The following MYO1A variants were observed in gnomAD, a reference collection of about 807,000 sequenced individuals.
MYO1A encodes unconventional myosin-Ia.
Under a neutral mutation model 138.5 loss-of-function variants are expected in MYO1A, and 127 were observed. The observed-to-expected ratio is 0.92, with a 90% CI of 0.79 to 1.06. The LOEUF (loss-of-function observed/expected upper bound fraction) is 1.06, where lower values mean the gene tolerates loss of function less well. Among genes scored for constraint, MYO1A ranks in the 50% least tolerant of loss-of-function variants. The pLI, the probability that MYO1A is intolerant of heterozygous loss-of-function variation, is 0.00. For synonymous variants in MYO1A, 477 were observed against 497.5 expected (o/e 0.96, Z 0.55); for missense variants, 1,211 against 1,288.8 (o/e 0.94, Z 0.92).
intron 24 of MYO1A, 66 bp from the exon 25 acceptor site, chr12:57,029,938 C>T (rs2030191960): frequency 1.9e-6 from 3 of 1,612,162 alleles, no homozygotes; most frequent in Non-Finnish European, 2.5e-6. Flanking sequence ...CCCCAGAGTT[C>T]CCATCCTAGT....
At chr12:57,039,051 C>T (rs1404430725) in intron 15 of MYO1A, 42 bp from the exon 16 acceptor site, 2 of 1,596,180 alleles carry the variant, frequency 1.3e-6, no homozygotes, top group South Asian at 2.2e-5. Context: ...AAATCTGGTC[C>T]TCCGAGATGT....
rs33962952 is a variant in MYO1A at position 57,037,618 on chromosome 12, C to T, written c.1985G>A (p.Gly662Glu). Residue 662 changes from glycine to glutamate, a missense_variant, in exon 19 of 28, where the codon GGG becomes GAG. Physicochemically the swap from Gly to Glu is moderately conservative, Grantham distance 98. Transcript: ENST00000300119. ...GDREGVEKVLGELSMSSGELA... is the reference protein window; with the variant it reads ...GDREGVEKVLEELSMSSGELA... The stretch of plus-strand genomic sequence containing the variant: ...CTCCCCCGAGGACATGCTCAGCTCC[C>T]CCAGGACCTTCTCAACACCTTCCCT... 45,834 of 1,614,020 alleles carry T rather than the reference C, an allele frequency of 0.028. 869 individuals carry two copies. Among genetic ancestry groups the T allele is most frequent in the Middle Eastern group, 0.06 (364 of 6,062 alleles).
chr12:57,038,974 C>G lies in MYO1A; in HGVS notation c.1368G>C (p.Glu456Asp), dbSNP rs1423875521. The change falls in exon 16 of 28, where the codon GAG becomes GAC. Residue 456 changes from glutamate to aspartate, a missense_variant. Glu to Asp is a conservative substitution (Grantham distance 45). Coordinates refer to ENST00000300119, the MANE Select transcript of MYO1A (RefSeq NM_005379.4). ...CACTGACCACCCCAGGCCGCAGGCA[C>G]TCCTCATCCAACATGGCCAGGATAC... Reference protein sequence around the residue: ...QRGILAMLDEECLRPGVVSDS... With the variant: ...QRGILAMLDEDCLRPGVVSDS... 1 of 1,614,196 alleles carries G rather than the reference C, an allele frequency of 6.2e-7. No homozygotes were observed. Among genetic ancestry groups the G allele is most frequent in the East Asian group, 2.2e-5 (1 of 44,876 alleles).
Position 57,038,849 on chromosome 12 carries a change from A to C in MYO1A, c.1493T>G (p.Met498Arg), listed in dbSNP as rs1592476694. 3.1e-6 allele frequency: 5 copies of C among 1,614,168 alleles called. No homozygotes were observed. Among genetic ancestry groups the C allele is most frequent in the Non-Finnish European group, 4.2e-6 (5 of 1,180,042 alleles). Residue 498 changes from methionine to arginine, a missense_variant, in exon 16 of 28, where the codon ATG (methionine) becomes AGG (arginine). Met to Arg is a moderately conservative substitution (Grantham distance 91). Coordinates refer to ENST00000300119, the MANE Select transcript of MYO1A (RefSeq NM_005379.4). The part of the protein sequence containing the change: ...QNAQRQYDHT[M>R]GLSCFRICHY... ...GCAGATGCGGAAGCAGCTGAGGCCCATGGTGTGGTCATACTGACGCTGGGC... is the reference window on the plus strand; with the variant it reads ...GCAGATGCGGAAGCAGCTGAGGCCCCTGGTGTGGTCATACTGACGCTGGGC...
At position 57,028,591 on chromosome 12, in the gene MYO1A, A is replaced by G. The variant is rs1437384493; in HGVS notation, c.*164T>C. 2 of 895,336 alleles carry G rather than the reference A, an allele frequency of 2.2e-6. No homozygotes were observed. Among genetic ancestry groups the G allele is most frequent in the Non-Finnish European group, 3.4e-6 (2 of 595,448 alleles). The allele number at this position is 895,336 out of a possible 1,614,324, so 55.5% of individuals were successfully genotyped here. On this transcript the variant is annotated 3_prime_UTR_variant, in exon 28 of 28. Transcript: ENST00000300119. ...TTGGAGGAAGCTACTTTTGGAGGAG[A>G]GAACAAGAAGGGTTTGGGACAAGGG...
At chr12:57,047,499 C>A (rs1192207694) in intron 4 of MYO1A, 92 bp from the exon 5 acceptor site, 1 of 1,497,496 alleles carries the variant, frequency 6.7e-7, no homozygotes, top group East Asian at 2.3e-5. Flanking sequence ...CCTCACCACC[C>A]CTTGGAGTCA....
intron 22 of MYO1A, 129 bp from the exon 23 acceptor site, chr12:57,031,303 A>C: frequency 8.7e-7 from 1 of 1,146,780 alleles, no homozygotes; most frequent in Middle Eastern, 2.4e-4. Flanking sequence ...GGTGGAGCTG[A>C]AGAGATGGAA....
chr12:57,034,264 A>G (rs900952369), intron 22 of MYO1A, among the ~76,000 whole-genome samples: 4 of 152,198 alleles, frequency 2.6e-5, no homozygotes, highest in African/African-American at 9.7e-5. Flanking sequence ...AACCTCTCTG[A>G]GCCTTGGCTT....
At chr12:57,049,672 C>A (rs1185163020) in intron 1 of MYO1A, among the ~76,000 whole-genome samples, 2 of 152,138 alleles carry the variant, frequency 1.3e-5, no homozygotes, top group Non-Finnish European at 2.9e-5. Context: ...TTTGTATTTT[C>A]TAGATTTTAC....
At position 57,037,109 on chromosome 12, in the gene MYO1A, G is replaced by C. The variant is rs372726839; in HGVS notation, c.2056-18C>G. 4 of 1,613,838 alleles carry C rather than the reference G, an allele frequency of 2.5e-6. No individual in the cohort carries two copies. Among genetic ancestry groups the C allele is most frequent in the Admixed American group, 1.7e-5 (1 of 60,024 alleles). On this transcript the variant is annotated intron_variant, in intron 19 of 27. Coordinates refer to ENST00000300119, the MANE Select transcript of MYO1A (RefSeq NM_005379.4). ...TAGAAAAGCTGTGGAGAGGTGGAAGGGGGTGACAGAGAGACTGGCTCAGGG... is the reference window on the plus strand; with the variant it reads ...TAGAAAAGCTGTGGAGAGGTGGAAGCGGGTGACAGAGAGACTGGCTCAGGG...
At chr12:57,036,404 G>T in intron 21 of MYO1A, 23 bp from the exon 22 acceptor site, 1 of 1,611,302 alleles carries the variant, frequency 6.2e-7, no homozygotes, top group South Asian at 1.1e-5. Context: ...TACAAGAAAG[G>T]AGCCAAAGTG....
intron 8 of MYO1A, among the ~76,000 whole-genome samples, chr12:57,045,434 G>A (rs1163018892): frequency 1.3e-5 from 2 of 152,162 alleles, no homozygotes; most frequent in Non-Finnish European, 2.9e-5. Context: ...GAGTCAGAAT[G>A]TCTGGGGATG....
chr12:57,046,843 G>T lies in MYO1A; in HGVS notation c.541+20C>A, dbSNP rs1272166501. On this transcript the variant is annotated intron_variant, in intron 7 of 27. Transcript: ENST00000300119. ...GGAGGCAGGTGGAAGACAGGTGAGTGGAATTGGGGAGACACGTACAGTTTG... is the reference window on the plus strand; with the variant it reads ...GGAGGCAGGTGGAAGACAGGTGAGTTGAATTGGGGAGACACGTACAGTTTG... 16 of 1,612,816 alleles carry T rather than the reference G, an allele frequency of 9.9e-6. No individual in the cohort carries two copies. The highest frequency in any genetic ancestry group is 1.2e-5 in the Non-Finnish European group (14 of 1,178,992).
chr12:57,048,572 G>C (rs766370149), intron 1 of MYO1A, among the ~76,000 whole-genome samples: 1 of 152,214 alleles, frequency 6.6e-6, no homozygotes, highest in Non-Finnish European at 1.5e-5. Flanking sequence ...TACAGTTGGT[G>C]GGGGTGGGGC....
chr12:57,035,751 T>C (rs1005580053), intron 22 of MYO1A, among the ~76,000 whole-genome samples: 16 of 152,236 alleles, frequency 1.1e-4, no homozygotes, highest in Admixed American at 4.6e-4. Flanking sequence ...TGTCTGTAAG[T>C]TTGAATATGT....
In MYO1A at chr12:57,036,856, G is replaced by C; in HGVS notation, c.2206-16C>G. The C allele has an allele frequency of 6.2e-7, 1 of 1,614,158 alleles. No individual in the cohort carries two copies. Among genetic ancestry groups the C allele is most frequent in the Non-Finnish European group, 8.5e-7 (1 of 1,180,026 alleles). On this transcript the variant is annotated splice_polypyrimidine_tract_variant and intron_variant, in intron 20 of 27. Coordinates refer to ENST00000300119, the MANE Select transcript of MYO1A (RefSeq NM_005379.4). Reference sequence around the variant, plus strand: ...ATTTCTTTTGCTGTAGAAAACATAGGAGTTGTTAGAAAAATGGCACCTCCT... The same window carrying C: ...ATTTCTTTTGCTGTAGAAAACATAGCAGTTGTTAGAAAAATGGCACCTCCT...
At chr12:57,039,831 G>C (rs1565644845) in intron 14 of MYO1A, among the ~76,000 whole-genome samples, 1 of 152,218 alleles carries the variant, frequency 6.6e-6, no homozygotes, top group Non-Finnish European at 1.5e-5. Flanking sequence ...TCTGGGATGT[G>C]GGCCTGGAAT....
At chr12:57,044,323 C>A in intron 8 of MYO1A, 114 bp from the exon 9 acceptor site, 1 of 859,440 alleles carries the variant, frequency 1.2e-6, no homozygotes, top group South Asian at 1.4e-5. Flanking sequence ...CCAAAGGAGT[C>A]ATTTTTGTTT....
In MYO1A at chr12:57,039,237, C is replaced by T. The variant is rs769949850; in HGVS notation, c.1307G>A (p.Gly436Asp). The T allele has an allele frequency of 6.2e-7, 1 of 1,614,078 alleles. No individual in the cohort carries two copies. Among genetic ancestry groups the T allele is most frequent in the Non-Finnish European group, 8.5e-7 (1 of 1,179,964 alleles). Residue 436 changes from glycine (G) to aspartate (D), a missense_variant, in exon 15 of 28, where the codon GGC (glycine) becomes GAC (aspartate). Physicochemically the swap from Gly to Asp is moderately conservative, Grantham distance 94 (BLOSUM62 -1). Coordinates refer to ENST00000300119, the MANE Select transcript of MYO1A (RefSeq NM_005379.4). ...PWTKVDYFDN[G>D]IICKLIEHNQ... Reference sequence around the variant, plus strand: ...ATGCTCAATGAGCTTACAAATGATGCCATTATCAAAGTAGTCCACCTTTGT... The same window carrying T: ...ATGCTCAATGAGCTTACAAATGATGTCATTATCAAAGTAGTCCACCTTTGT...
Sources: gnomAD v4.1 joint callset for allele counts (sites outside exome capture counted in the v4.1 genomes callset) on GRCh38, gnomAD v4.1.1 for gene constraint, MANE v1.5 for transcripts, NCBI Gene and HGNC (gene_info 2026-07-23, HGNC 2026-07-21) for gene names.